The following LRRC37A2 variants were observed in gnomAD, a reference collection of about 807,000 sequenced individuals.
LRRC37A2 encodes leucine rich repeat containing 37 member A2.
In LRRC37A2, 9 loss-of-function variants were observed where a neutral mutation model predicts 68.8. That is an observed-to-expected ratio of 0.13 (90% CI 0.08 to 0.23). The LOEUF (loss-of-function observed/expected upper bound fraction) is 0.23, where lower values mean the gene tolerates loss of function less well. Ranked by LOEUF, LRRC37A2 falls within the 10% of genes least tolerant of loss-of-function variation. The probability of loss-of-function intolerance (pLI) is 1.00; values close to 1 mark genes in which losing one functional copy is unlikely to be tolerated. For synonymous variants in LRRC37A2, 63 were observed against 367.6 expected (o/e 0.17, Z 9.48); for missense variants, 168 against 950.4 (o/e 0.18, Z 10.82).
the LRRC37A2 span, chr17:46,768,858 GCCTTCCCTCTCTGCCACTGCCCACCC>G: frequency 6.3e-7 from 1 of 1,585,564 alleles, no homozygotes; most frequent in African/African-American, 1.3e-5. The surrounding 1 kb of genome is among the most constrained non-coding windows in gnomAD (Gnocchi z 5.0). Flanking sequence ...GCACATCCAG[GCCTTCCCTCTCTGCCACTGCCCACCC>G]CCTTCCCTCC....
the LRRC37A2 span, chr17:46,876,596 C>A: frequency 2.5e-6 from 4 of 1,613,164 alleles, no homozygotes; most frequent in African/African-American, 4.0e-5. Flanking sequence ...GTGCTGCGGG[C>A]GGGGCTATGA....
the LRRC37A2 span, among the ~76,000 whole-genome samples, chr17:46,994,385 C>CAA: frequency 1.2e-4 from 16 of 137,676 alleles, no homozygotes; most frequent in Middle Eastern, 3.7e-3. Flanking sequence ...AACTCCATCT[C>CAA]AAAAAAAAAG....
the LRRC37A2 span, among the ~76,000 whole-genome samples, chr17:46,813,471 G>A: frequency 4.7e-5 from 7 of 149,938 alleles, no homozygotes; most frequent in East Asian, 1.9e-4. Context: ...AACCTTTGGC[G>A]GGGGGTGGGG....
chr17:46,719,279 T>C, the LRRC37A2 span, among the ~76,000 whole-genome samples: 2 of 152,234 alleles, frequency 1.3e-5, no homozygotes, highest in Non-Finnish European at 2.9e-5. This position sits in a 1 kb window ranked among gnomAD's most constrained non-coding sequence, Gnocchi z 4.3. Flanking sequence ...ATTAGTTAAT[T>C]CATAGAGCAT....
chr17:46,902,237 AT>A, the LRRC37A2 span, among the ~76,000 whole-genome samples: 1 of 152,188 alleles, frequency 6.6e-6, no homozygotes, highest in African/African-American at 2.4e-5. Context: ...GGTGGTGCAC[AT>A]GAGTTTAGGT....
the LRRC37A2 span, among the ~76,000 whole-genome samples, chr17:46,725,725 T>G: frequency 6.6e-6 from 1 of 152,112 alleles, no homozygotes; most frequent in African/African-American, 2.4e-5. Flanking sequence ...GTTTACTATC[T>G]TGGTGTGCTG....
chr17:46,496,705 G>A, the LRRC37A2 span, among the ~76,000 whole-genome samples: 12 of 132,126 alleles, frequency 9.1e-5, 1 homozygote, highest in African/African-American at 2.0e-4. Context: ...ACCTGAGGTC[G>A]GGAGTTCGAG....
the LRRC37A2 span, among the ~76,000 whole-genome samples, chr17:46,633,542 CA>C: frequency 7.0e-6 from 1 of 141,866 alleles, no homozygotes; most frequent in African/African-American, 2.6e-5. Flanking sequence ...TGTGCCTGGC[CA>C]AGTTTTAATT....
chr17:46,954,552 A>G, the LRRC37A2 span, among the ~76,000 whole-genome samples: 3 of 152,138 alleles, frequency 2.0e-5, no homozygotes, highest in Admixed American at 2.0e-4. Context: ...GTTTTTTCCA[A>G]TTCTGTGAAG....
chr17:46,812,552 T>C, the LRRC37A2 span, among the ~76,000 whole-genome samples: 1 of 151,608 alleles, frequency 6.6e-6, no homozygotes, highest in Non-Finnish European at 1.5e-5. Flanking sequence ...CCAGCAAGAG[T>C]CTGGCAGACT....
the LRRC37A2 span, among the ~76,000 whole-genome samples, chr17:46,808,041 G>C: frequency 6.6e-6 from 1 of 152,240 alleles, no homozygotes; most frequent in Non-Finnish European, 1.5e-5. Context: ...GCACGTATAT[G>C]ATGGAGACCA....
At chr17:46,889,822 C>T in the LRRC37A2 span, among the ~76,000 whole-genome samples, 1 of 152,206 alleles carries the variant, frequency 6.6e-6, no homozygotes. Flanking sequence ...CAGCTTTGCA[C>T]TCAGGGCTGA....
At chr17:46,789,936 A>C in the LRRC37A2 span, among the ~76,000 whole-genome samples, 2 of 152,176 alleles carry the variant, frequency 1.3e-5, no homozygotes, top group Admixed American at 6.5e-5. Flanking sequence ...CATTCCCAGG[A>C]GGGCTTCTTT....
chr17:46,952,254 C>T, the LRRC37A2 span, among the ~76,000 whole-genome samples: 2 of 152,198 alleles, frequency 1.3e-5, no homozygotes, highest in East Asian at 3.9e-4. Context: ...GGGCTGCCTC[C>T]TCCAGCAGGG....
chr17:46,896,480 GAC>G, the LRRC37A2 span, among the ~76,000 whole-genome samples: 1 of 149,184 alleles, frequency 6.7e-6, no homozygotes, highest in African/African-American at 2.5e-5. Flanking sequence ...AAGAAAGACA[GAC>G]CAAGGCCAGG....
At chr17:46,791,240 G>A in the LRRC37A2 span, among the ~76,000 whole-genome samples, 2 of 151,364 alleles carry the variant, frequency 1.3e-5, no homozygotes, top group South Asian at 4.2e-4. Flanking sequence ...CTGAGACAGA[G>A]TCTCGCCCTG....
chr17:46,910,308 T>G, the LRRC37A2 span: 1 of 152,358 alleles, frequency 6.6e-6, no homozygotes, highest in African/African-American at 2.4e-5. Flanking sequence ...TGTGGCGCTC[T>G]CCTGGGTTGG....
At chr17:46,915,546 T>C in the LRRC37A2 span, among the ~76,000 whole-genome samples, 2 of 152,316 alleles carry the variant, frequency 1.3e-5, no homozygotes, top group East Asian at 3.9e-4. Context: ...TATGAGATCA[T>C]CTCTATTTTA....
In LRRC37A2 at chr17:46,516,336, T is replaced by C. The variant is rs1000413102; in HGVS notation, c.2609+1015T>C. The stretch of plus-strand genomic sequence containing the variant: ...AAATGATAGGAGGGAAGAAAGAGAA[T>C]AGGCATAAAAAGGGAGGTATATATA... On this transcript the variant is annotated intron_variant, in intron 2 of 14. Coordinates refer to ENST00000576629, the Ensembl canonical transcript of LRRC37A2. Among the ~76,000 whole-genome samples, 26 of 103,122 alleles carry C rather than the reference T, an allele frequency of 2.5e-4. 1 individual carries two copies. The highest frequency in any genetic ancestry group is 8.7e-4 in the African/African-American group (25 of 28,598). The allele number at this position is 103,122 out of a possible 152,430, so 67.7% of individuals were successfully genotyped here.
Sources: allele counts gnomAD v4.1 joint callset (sites outside exome capture counted in the v4.1 genomes callset), GRCh38; gene constraint gnomAD v4.1.1; non-coding constraint Gnocchi (gnomAD v3.1); transcripts MANE v1.5; gene names NCBI Gene and HGNC (gene_info 2026-07-23, HGNC 2026-07-21).